The following LRMDA variants were observed in gnomAD, a reference collection of about 807,000 sequenced individuals.
LRMDA encodes the protein leucine rich melanocyte differentiation associated.
LRMDA carries 18 observed loss-of-function variants against 29.8 expected under a neutral mutation model. The observed-to-expected ratio is 0.60, with a 90% CI of 0.42 to 0.90. The LOEUF is 0.90. Among genes scored for constraint, LRMDA ranks in the 40% least tolerant of loss-of-function variants. The probability of loss-of-function intolerance (pLI) is 0.00; values close to 1 mark genes in which losing one functional copy is unlikely to be tolerated. For missense variants in LRMDA, 273 were observed against 273.9 expected, an observed-to-expected ratio of 1.00 and a Z score of 0.02; for synonymous variants, 125 against 109.4, an observed-to-expected ratio of 1.14 and a Z score of -0.89.
intron 2 of LRMDA, among the ~76,000 whole-genome samples, chr10:75,846,550 C>A (rs1844640841): frequency 6.6e-6 from 1 of 152,186 alleles, no homozygotes; most frequent in South Asian, 2.1e-4. Flanking sequence ...AGCCTTAATT[C>A]TCCTAACATT....
At chr10:75,676,318 G>T (rs1009269756) in intron 2 of LRMDA, among the ~76,000 whole-genome samples, 1 of 152,236 alleles carries the variant, frequency 6.6e-6, no homozygotes, top group Non-Finnish European at 1.5e-5. Context: ...CTGACTGGAA[G>T]CTGAACGAGA....
rs1842906334 is a variant in LRMDA at position 76,501,249 on chromosome 10, CACAG to C, written c.602-55959_602-55956del. 4.6e-5 allele frequency among the ~76,000 whole-genome samples: 7 copies of C among 150,776 alleles called. 3 individuals are homozygous for C. Among genetic ancestry groups the C allele is most frequent in the Non-Finnish European group, 1.0e-4 (7 of 67,416 alleles). On this transcript the variant is annotated intron_variant, in intron 6 of 6. Transcript: ENST00000611255. ...GCAGCATTCTAAGGTGAACATATAC[CACAG>C]TTTCCTTATTCAGTCTACTACTGAT...
intron 5 of LRMDA, among the ~76,000 whole-genome samples, chr10:76,323,695 C>T (rs1840799515): frequency 6.6e-6 from 1 of 152,144 alleles, no homozygotes; most frequent in Non-Finnish European, 1.5e-5. Context: ...CCTTAGCAGC[C>T]TGGGCCATCT....
intron 2 of LRMDA, among the ~76,000 whole-genome samples, chr10:75,794,024 T>A (rs1843612386): frequency 6.6e-6 from 1 of 152,230 alleles, no homozygotes; most frequent in African/African-American, 2.4e-5. Flanking sequence ...TCCAATCAAC[T>A]TTTGTTTACA....
intron 2 of LRMDA, among the ~76,000 whole-genome samples, chr10:75,453,598 AGGTGC>A (rs1333212752): frequency 6.6e-6 from 1 of 152,124 alleles, no homozygotes; most frequent in East Asian, 1.9e-4. Context: ...GTGAGTTTTG[AGGTGC>A]TTTGTTCCTC....
chr10:75,914,887 AG>A (rs1476243642), intron 2 of LRMDA, among the ~76,000 whole-genome samples: 7 of 152,310 alleles, frequency 4.6e-5, no homozygotes, highest in Non-Finnish European at 8.8e-5. Flanking sequence ...ACCTATACAA[AG>A]GTAAAAGTCT....
chr10:75,592,429 C>G (rs1016997898), intron 2 of LRMDA, among the ~76,000 whole-genome samples: 2 of 152,228 alleles, frequency 1.3e-5, no homozygotes, highest in African/African-American at 4.8e-5. Flanking sequence ...AGTCTCATTT[C>G]CTGTTCTGAG....
intron 6 of LRMDA, chr10:76,536,053 AG>A (rs1319101272): frequency 6.6e-6 from 1 of 152,226 alleles, no homozygotes; most frequent in African/African-American, 2.4e-5. Flanking sequence ...CTCGGATTAC[AG>A]GCATGAGTCA....
intron 2 of LRMDA, among the ~76,000 whole-genome samples, chr10:75,974,955 A>G (rs188483056): frequency 1.1e-4 from 17 of 152,374 alleles, no homozygotes; most frequent in Non-Finnish European, 1.9e-4. Flanking sequence ...TTAAAAACCA[A>G]TGAGGAAGAT....
chr10:76,287,973 C>T (rs772968634), intron 5 of LRMDA, among the ~76,000 whole-genome samples: 4 of 152,144 alleles, frequency 2.6e-5, no homozygotes, highest in Admixed American at 2.0e-4. Flanking sequence ...TCAGCTTCTT[C>T]GTTTAATTTC....
chr10:75,985,062 G>A (rs1847240025), intron 2 of LRMDA, among the ~76,000 whole-genome samples: 1 of 152,192 alleles, frequency 6.6e-6, no homozygotes. Flanking sequence ...CTAGATAGTG[G>A]TCTTTTGTGA....
intron 2 of LRMDA, among the ~76,000 whole-genome samples, chr10:75,940,902 G>A (rs1033676943): frequency 6.6e-6 from 1 of 152,060 alleles, no homozygotes; most frequent in African/African-American, 2.4e-5. Context: ...ATTTCACTGA[G>A]TGGGTTTGTT....
At chr10:75,852,578 G>A (rs548124828) in intron 2 of LRMDA, among the ~76,000 whole-genome samples, 1 of 152,158 alleles carries the variant, frequency 6.6e-6, no homozygotes, top group South Asian at 2.1e-4. Context: ...TCTCTTGGGT[G>A]TGGTCTCAAA....
chr10:75,839,267 T>C (rs1359281132), intron 2 of LRMDA, among the ~76,000 whole-genome samples: 1 of 152,232 alleles, frequency 6.6e-6, no homozygotes. Flanking sequence ...TGCAGCATGC[T>C]GAGAAGAGAG....
intron 2 of LRMDA, among the ~76,000 whole-genome samples, chr10:75,925,452 T>C (rs1846105029): frequency 6.6e-6 from 1 of 152,152 alleles, no homozygotes; most frequent in South Asian, 2.1e-4. Flanking sequence ...TGTACAGAAA[T>C]ATTTTGTGTA....
rs564882197 is a variant in LRMDA at position 75,476,460 on chromosome 10, G to T, written c.131+37966G>T. The stretch of plus-strand genomic sequence containing the variant: ...CAGTTAGTGGTGCAGCCATCCTCCT[G>T]ACGCCCTAGGTTCACCTCTGAGTTC... On this transcript the variant is annotated intron_variant, in intron 2 of 6. Transcript: ENST00000611255. Among the ~76,000 whole-genome samples the T allele has an allele frequency of 2.0e-5, 3 of 152,176 alleles. No individual in the cohort carries two copies. In the East Asian group the frequency reaches 5.8e-4, roughly 29 times the overall value.
intron 5 of LRMDA, among the ~76,000 whole-genome samples, chr10:76,110,195 G>A (rs1849554743): frequency 6.6e-6 from 1 of 152,154 alleles, no homozygotes; most frequent in South Asian, 2.1e-4. Context: ...CACCCCTACA[G>A]GTATGCAAGT....
rs1029277135 is a variant in LRMDA, at chr10:76,557,850, C to T, written c.*562C>T. ...CTCCCGTCTCTTCCCCTCCACCTTCCTTTAGCATCGATTTTATGACAGGTG... is the reference window on the plus strand; with the variant it reads ...CTCCCGTCTCTTCCCCTCCACCTTCTTTTAGCATCGATTTTATGACAGGTG... On this transcript the variant is annotated 3_prime_UTR_variant, in exon 7 of 7. Coordinates refer to ENST00000611255, the MANE Select transcript of LRMDA (RefSeq NM_001305581.2). The T allele has an allele frequency of 6.6e-6, 1 of 152,474 alleles. No individual in the cohort carries two copies. The highest frequency in any genetic ancestry group is 1.5e-5 in the Non-Finnish European group (1 of 68,280). 9.4% of individuals were successfully genotyped at this position (152,474 alleles called of 1,614,324 possible).
intron 2 of LRMDA, among the ~76,000 whole-genome samples, chr10:75,750,398 C>A (rs1039639736): frequency 4.7e-5 from 7 of 147,572 alleles, no homozygotes; most frequent in Non-Finnish European, 1.0e-4. Context: ...ACCTCCCAGA[C>A]GGGGTGGCGG....
Sources: allele counts gnomAD v4.1 joint callset (sites outside exome capture counted in the v4.1 genomes callset), GRCh38; gene constraint gnomAD v4.1.1; transcripts MANE v1.5; gene names NCBI Gene and HGNC (gene_info 2026-07-23, HGNC 2026-07-21).